The following ZNF431 variants were observed in gnomAD, a reference collection of about 807,000 sequenced individuals.
The protein encoded by ZNF431 is zinc finger protein 431.
Under a neutral mutation model 57.0 loss-of-function variants are expected in ZNF431, and 34 were observed. That is an observed-to-expected ratio of 0.60 (90% CI 0.45 to 0.79). ZNF431 has a LOEUF of 0.79. ZNF431 is among the 30% of genes least tolerant of loss of function. ZNF431 has a pLI of 0.00. For synonymous variants in ZNF431, 207 were observed against 220.3 expected, an observed-to-expected ratio of 0.94 and a Z score of 0.54; for missense variants, 607 against 667.1, an observed-to-expected ratio of 0.91 and a Z score of 0.99.
At chr19:21,149,997 T>G in intron 2 of ZNF431, 1 of 588,472 alleles carries the variant, frequency 1.7e-6, no homozygotes, top group Admixed American at 2.3e-5. Context: ...TGAACTTTCT[T>G]TTTCTCCACC....
Position 21,184,259 on chromosome 19 carries a change from A to G in ZNF431, c.*225A>G. ...CATCTACTCGGGAGGCTTAGGCAGG[A>G]TAATCACTTGAACCTGGGAGGTGGA... On this transcript the variant is annotated 3_prime_UTR_variant, in exon 5 of 5. Coordinates refer to ENST00000311048, the MANE Select transcript of ZNF431 (RefSeq NM_133473.4). The G allele has an allele frequency of 5.2e-6, 2 of 382,088 alleles. No individual in the cohort carries two copies. Among genetic ancestry groups the G allele is most frequent in the South Asian group, 5.1e-5 (1 of 19,800 alleles). 23.7% of individuals were successfully genotyped at this position (382,088 alleles called of 1,614,324 possible).
intron 2 of ZNF431, among the ~76,000 whole-genome samples, chr19:21,166,114 T>C (rs1371700509): frequency 2.0e-5 from 3 of 152,218 alleles, no homozygotes; most frequent in Admixed American, 2.0e-4. Flanking sequence ...AGAAGTATCA[T>C]ATATGCACTG....
chr19:21,157,892 G>A (rs117822173), intron 2 of ZNF431, among the ~76,000 whole-genome samples: 8,841 of 149,210 alleles, frequency 0.059, 377 homozygotes, highest in Middle Eastern at 0.16. Context: ...CTTGTTCTGC[G>A]AGTCTGTTTT....
At chr19:21,158,455 C>T (rs972014984) in intron 2 of ZNF431, among the ~76,000 whole-genome samples, 13 of 152,192 alleles carry the variant, frequency 8.5e-5, no homozygotes, top group Non-Finnish European at 1.6e-4. Context: ...ACCTCGGCCT[C>T]CCAAAGTGCT....
intron 2 of ZNF431, among the ~76,000 whole-genome samples, chr19:21,155,792 T>G (rs1970400639): frequency 6.6e-6 from 1 of 152,144 alleles, no homozygotes; most frequent in Non-Finnish European, 1.5e-5. Flanking sequence ...TGCTTGGTGT[T>G]CAGCAAACTC....
rs1212637036 is a variant in ZNF431, at chr19:21,143,579, T to G, written c.32T>G (p.Leu11Arg). The change falls in exon 2 of 5, where the codon CTC (leucine) becomes CGC (arginine). Residue 11 changes from leucine to arginine, a missense_variant. Coordinates refer to ENST00000311048, the MANE Select transcript of ZNF431 (RefSeq NM_133473.4). MDDLKYGVYP[L>R]KEASGCPGAE... ...GACTTGAAATATGGAGTGTATCCTC[T>G]CAAGGAAGCAAGTGGATGCCCTGGG... 1 of 1,613,868 alleles carries G rather than the reference T, an allele frequency of 6.2e-7. No individual in the cohort carries two copies. The highest frequency in any genetic ancestry group is 8.5e-7 in the Non-Finnish European group (1 of 1,179,848).
At position 21,192,541 on chromosome 19, in the gene ZNF431, T is replaced by G. The variant is rs556123440; in HGVS notation, c.*8507T>G. 3.9e-5 allele frequency: 6 copies of G among 152,166 alleles called. No individual in the cohort carries two copies. The highest frequency in any genetic ancestry group is 1.4e-4 in the African/African-American group (6 of 41,508). The allele number at this position is 152,166 out of a possible 1,614,324, so 9.4% of individuals were successfully genotyped here. A position where few individuals can be genotyped will look rare whatever the true frequency, so the allele number is the denominator to read the frequency against. On this transcript the variant is annotated 3_prime_UTR_variant, in exon 5 of 5. Transcript: ENST00000311048. The stretch of plus-strand genomic sequence containing the variant: ...GATTATGTATAGGGATAAAAGAAAA[T>G]TATACAGGAATAATTCCTTTTCCTC...
intron 4 of ZNF431, among the ~76,000 whole-genome samples, chr19:21,181,376 T>TA (rs1203167350): frequency 6.6e-6 from 1 of 152,146 alleles, no homozygotes; most frequent in Non-Finnish European, 1.5e-5. Context: ...TCTCACTTTA[T>TA]AGCTATTTTT....
chr19:21,150,873 C>T (rs901397325), intron 2 of ZNF431, among the ~76,000 whole-genome samples: 2 of 152,060 alleles, frequency 1.3e-5, no homozygotes, highest in African/African-American at 2.4e-5. Context: ...CATTGCAAAA[C>T]GAACAGAACC....
At chr19:21,172,006 C>T (rs946102714) in intron 4 of ZNF431, among the ~76,000 whole-genome samples, 2 of 151,732 alleles carry the variant, frequency 1.3e-5, no homozygotes, top group Non-Finnish European at 2.9e-5. Context: ...AGGCATGAGC[C>T]ACCGCACCTG....
intron 2 of ZNF431, among the ~76,000 whole-genome samples, chr19:21,146,682 T>C (rs1412319634): frequency 6.6e-6 from 1 of 152,188 alleles, no homozygotes; most frequent in Non-Finnish European, 1.5e-5. Context: ...TTGGTTTTGG[T>C]AGGTTTTATT....
In ZNF431 at chr19:21,183,039, A is replaced by G. The variant is rs1396043035; in HGVS notation, c.736A>G (p.Thr246Ala). The G allele has an allele frequency of 1.2e-6, 2 of 1,613,944 alleles. No homozygotes were observed. Among genetic ancestry groups the G allele is most frequent in the Non-Finnish European group, 1.7e-6 (2 of 1,179,912 alleles). The change falls in exon 5 of 5, where the codon ACC (threonine) becomes GCC (alanine). Residue 246 changes from threonine (T) to alanine (A), a missense_variant. Thr to Ala is a moderately conservative substitution (Grantham distance 58). Coordinates refer to ENST00000311048, the MANE Select transcript of ZNF431 (RefSeq NM_133473.4). ...ECGKAFKWFS[T>A]LTRHKRIHTG... ...TGGCAAAGCTTTTAAATGGTTCTCA[A>G]CCCTTACTAGACACAAGAGAATTCA...
Position 21,166,453 on chromosome 19 carries a change from T to A in ZNF431, c.215T>A (p.Val72Asp), listed in dbSNP as rs781053715. Residue 72 changes from valine (V) to aspartate (D), a missense_variant, in exon 3 of 5, where the codon GTC becomes GAC. Val to Asp is a radical substitution (Grantham distance 152). Transcript: ENST00000311048. ...NVMLENYKNL[V>D]FLGVAVSKQD... Reference sequence around the variant, plus strand: ...ATGTTAGAAAACTACAAAAACCTGGTCTTCTTGGGTGAGAATAACTTTCAT... The same window carrying A: ...ATGTTAGAAAACTACAAAAACCTGGACTTCTTGGGTGAGAATAACTTTCAT... 1 of 1,607,108 alleles carries A rather than the reference T, an allele frequency of 6.2e-7. No individual in the cohort carries two copies. Among genetic ancestry groups the A allele is most frequent in the Non-Finnish European group, 8.5e-7 (1 of 1,178,226 alleles).
intron 2 of ZNF431, chr19:21,150,394 G>A: frequency 3.1e-6 from 1 of 325,024 alleles, no homozygotes; most frequent in South Asian, 3.1e-5. Flanking sequence ...CAACAGCAGG[G>A]GTTGGAGCCA....
chr19:21,171,568 A>G (rs1970891092), intron 4 of ZNF431, among the ~76,000 whole-genome samples: 5 of 151,744 alleles, frequency 3.3e-5, no homozygotes. Context: ...TATGACCCCA[A>G]TATTGGTTAT....
rs1971463280 is a variant in ZNF431 at position 21,189,589 on chromosome 19, G to A, written c.*5555G>A. 3.6e-6 allele frequency: 1 copy of A among 279,668 alleles called. No individual in the cohort carries two copies. The highest frequency in any genetic ancestry group is 6.6e-6 in the Non-Finnish European group (1 of 152,156). 17.3% of individuals were successfully genotyped at this position (279,668 alleles called of 1,614,324 possible). A position where few individuals can be genotyped will look rare whatever the true frequency, so the allele number is the denominator to read the frequency against. The stretch of plus-strand genomic sequence containing the variant: ...CATTATTATGAACTATAGTCACCAT[G>A]TTGTGCAATAAATCTCTTGAACTTA... On this transcript the variant is annotated 3_prime_UTR_variant, in exon 5 of 5. Transcript: ENST00000311048.
rs942266594 is a variant in ZNF431, at chr19:21,186,324, T to G, written c.*2290T>G. ...TTTCAAATTTTCTATATATTTTTCT[T>G]TGAACATGTGGCCTGTCTGCCTGCA... On this transcript the variant is annotated 3_prime_UTR_variant, in exon 5 of 5. Transcript: ENST00000311048. The G allele has an allele frequency of 1.3e-5, 2 of 152,240 alleles. No homozygotes were observed. The highest frequency in any genetic ancestry group is 4.8e-5 in the African/African-American group (2 of 41,464). The allele number at this position is 152,240 out of a possible 1,614,324, so 9.4% of individuals were successfully genotyped here. A position where few individuals can be genotyped will look rare whatever the true frequency, so the allele number is the denominator to read the frequency against.
intron 2 of ZNF431, among the ~76,000 whole-genome samples, chr19:21,154,006 G>T (rs995214011): frequency 6.6e-6 from 1 of 152,130 alleles, no homozygotes; most frequent in African/African-American, 2.4e-5. Flanking sequence ...ATGAGCCGCC[G>T]CACCCATTGG....
chr19:21,163,668 T>C (rs1053134654), intron 2 of ZNF431, among the ~76,000 whole-genome samples: 2 of 151,982 alleles, frequency 1.3e-5, no homozygotes, highest in East Asian at 2.0e-4. Flanking sequence ...ATTACAGGCA[T>C]GCACCACCAC....
Sources: gnomAD v4.1 joint callset for allele counts (sites outside exome capture counted in the v4.1 genomes callset) on GRCh38, gnomAD v4.1.1 for gene constraint, MANE v1.5 for transcripts, NCBI Gene and HGNC (gene_info 2026-07-23, HGNC 2026-07-21) for gene names.